The following POLH variants were observed in gnomAD, a reference collection of about 807,000 sequenced individuals.
POLH encodes DNA polymerase eta transcript.
A neutral mutation model predicts 73.6 loss-of-function variants in POLH; 53 were observed. The observed-to-expected ratio is 0.72, with a 90% confidence interval of 0.58 to 0.91. The LOEUF (loss-of-function observed/expected upper bound fraction) is 0.91. POLH is among the 40% of genes least tolerant of loss of function. POLH has a pLI of 0.00. For synonymous variants in POLH, 292 were observed against 308.5 expected, an observed-to-expected ratio of 0.95 and a Z score of 0.56; for missense variants, 768 against 865.4, an observed-to-expected ratio of 0.89 and a Z score of 1.41.
At position 43,620,397 on chromosome 6, in the gene POLH, G is replaced by T. The variant is rs1488390854; in HGVS notation, c.*5840G>T. On this transcript the variant is annotated 3_prime_UTR_variant, in exon 11 of 11. Coordinates refer to ENST00000372236, the MANE Select transcript of POLH (RefSeq NM_006502.3). The stretch of plus-strand genomic sequence containing the variant: ...CAGCTGGGCTCTTTCCACATTCAGG[G>T]CTCAGCAGTGTTGGGGTTTCACTTG... 1 of 475,212 alleles carries T rather than the reference G, an allele frequency of 2.1e-6. No homozygotes were observed. The highest frequency in any genetic ancestry group is 2.5e-5 in the Admixed American group (1 of 40,260). 29.4% of individuals were successfully genotyped at this position (475,212 alleles called of 1,614,324 possible).
intron 9 of POLH, among the ~76,000 whole-genome samples, chr6:43,605,912 C>T (rs919422523): frequency 7.9e-5 from 12 of 151,806 alleles, no homozygotes; most frequent in Non-Finnish European, 1.6e-4. Flanking sequence ...TCAGTAGAGA[C>T]GGGGTTCTAC....
chr6:43,597,188 T>C (rs966396400), intron 4 of POLH, among the ~76,000 whole-genome samples: 9 of 152,184 alleles, frequency 5.9e-5, no homozygotes, highest in African/African-American at 2.2e-4. Flanking sequence ...CAATCTCGGC[T>C]CACTGCAACC....
intron 4 of POLH, 58 bp downstream of exon 4, chr6:43,587,547 G>T (rs1764967117): frequency 8.4e-7 from 1 of 1,185,998 alleles, no homozygotes; most frequent in South Asian, 1.2e-5. Context: ...GCTTTGCTTG[G>T]TCATGCTGAT....
At position 43,617,373 on chromosome 6, in the gene POLH, T is replaced by C. The variant is rs566182655; in HGVS notation, c.*2816T>C. 2.0e-5 allele frequency among the ~76,000 whole-genome samples: 3 copies of C among 151,476 alleles called. No homozygotes were observed. In the South Asian group the frequency reaches 6.2e-4, roughly 32 times the overall value. ...CAGGTGTGGTGGCTCATGCCTGTAATCCCACACTTTGGGAGGCCAAGGTGG... is the reference window on the plus strand; with the variant it reads ...CAGGTGTGGTGGCTCATGCCTGTAACCCCACACTTTGGGAGGCCAAGGTGG... On this transcript the variant is annotated 3_prime_UTR_variant, in exon 11 of 11. Coordinates refer to ENST00000372236, the MANE Select transcript of POLH (RefSeq NM_006502.3).
intron 1 of POLH, among the ~76,000 whole-genome samples, chr6:43,581,872 G>A (rs1764308999): frequency 6.6e-6 from 1 of 150,980 alleles, no homozygotes; most frequent in African/African-American, 2.4e-5. Flanking sequence ...GCGCCTTCGA[G>A]CCTTCTAGGG....
chr6:43,600,923 T>C, intron 5 of POLH, 65 bp from the exon 6 acceptor site: 3 of 952,618 alleles, frequency 3.1e-6, no homozygotes, highest in Non-Finnish European at 3.5e-6. Context: ...GTTATGTGTA[T>C]GTTTATATTC....
At position 43,582,303 on chromosome 6, in the gene POLH, T is replaced by C; in HGVS notation, c.-4-13T>C. ...GGTGTTTTTCTAACTGTCCATAAAA[T>C]GTTGTGTTACAGAAAAATGGCTACT... On this transcript the variant is annotated splice_polypyrimidine_tract_variant and intron_variant, in intron 1 of 10. Transcript: ENST00000372236. 2 of 1,613,598 alleles carry C rather than the reference T, an allele frequency of 1.2e-6. No individual in the cohort carries two copies. The highest frequency in any genetic ancestry group is 1.7e-6 in the Non-Finnish European group (2 of 1,179,464).
intron 1 of POLH, among the ~76,000 whole-genome samples, chr6:43,577,648 CTT>C (rs1275937204): frequency 6.6e-6 from 1 of 151,210 alleles, no homozygotes; most frequent in African/African-American, 2.4e-5. Flanking sequence ...TTTTGAAAAA[CTT>C]TTTTTAGAAT....
intron 1 of POLH, among the ~76,000 whole-genome samples, chr6:43,579,641 T>C (rs112742738): frequency 1.3e-5 from 2 of 152,352 alleles, no homozygotes; most frequent in Middle Eastern, 3.4e-3. Flanking sequence ...TCCCAATTTA[T>C]ATCCAGTCAG....
At chr6:43,606,200 A>G (rs1202684363) in intron 9 of POLH, among the ~76,000 whole-genome samples, 1 of 151,970 alleles carries the variant, frequency 6.6e-6, no homozygotes, top group Non-Finnish European at 1.5e-5. Flanking sequence ...AATCTCTAAT[A>G]GAATTTTATT....
intron 1 of POLH, among the ~76,000 whole-genome samples, chr6:43,577,355 A>C (rs1763477496): frequency 6.6e-6 from 1 of 152,198 alleles, no homozygotes; most frequent in Non-Finnish European, 1.5e-5. Flanking sequence ...ATTTGGATCT[A>C]ATATGGTGCT....
At chr6:43,594,073 A>G (rs1224509928) in intron 4 of POLH, among the ~76,000 whole-genome samples, 2 of 152,168 alleles carry the variant, frequency 1.3e-5, no homozygotes, top group Non-Finnish European at 2.9e-5. Context: ...AATTCTGCTT[A>G]TCTTCTGTGG....
intron 4 of POLH, among the ~76,000 whole-genome samples, chr6:43,596,950 C>T (rs1319900846): frequency 3.3e-5 from 5 of 151,686 alleles, no homozygotes; most frequent in Admixed American, 3.3e-4. Context: ...TGGAATCCAC[C>T]TCTAAAAACA....
intron 4 of POLH, among the ~76,000 whole-genome samples, chr6:43,593,708 T>G (rs1170700594): frequency 1.3e-5 from 2 of 151,948 alleles, no homozygotes; most frequent in Non-Finnish European, 2.9e-5. Context: ...GGTGAGACCC[T>G]GTCTCTACTA....
intron 1 of POLH, among the ~76,000 whole-genome samples, chr6:43,577,132 C>T (rs529876567): frequency 2.6e-5 from 4 of 152,316 alleles, no homozygotes; most frequent in Admixed American, 2.6e-4. Flanking sequence ...GAGCCGAGAT[C>T]GCGCCTTTGC....
intron 9 of POLH, among the ~76,000 whole-genome samples, chr6:43,606,428 T>G (rs1767301850): frequency 6.6e-6 from 1 of 151,898 alleles, no homozygotes; most frequent in South Asian, 2.1e-4. Flanking sequence ...GATGATTAGT[T>G]TCTCTCCTTT....
intron 1 of POLH, among the ~76,000 whole-genome samples, chr6:43,580,837 G>A (rs1413432300): frequency 3.1e-4 from 43 of 140,648 alleles, no homozygotes; most frequent in South Asian, 6.9e-4. Flanking sequence ...CAGTAGGGGC[G>A]GCCGGGCAGA....
chr6:43,581,002 C>G (rs1191694041), intron 1 of POLH, among the ~76,000 whole-genome samples: 1 of 145,690 alleles, frequency 6.9e-6, no homozygotes, highest in South Asian at 2.2e-4. Context: ...GACCCCCCCC[C>G]ACCTCCCTCC....
rs3734690 is a variant in POLH at position 43,613,849 on chromosome 6, G to A, written c.1434G>A (p.Thr478=). ...TGACAGCCACTAAGAAAGCAACCACGTCTCTGGAATCATTCTTCCAAAAAG... is the reference window on the plus strand; with the variant it reads ...TGACAGCCACTAAGAAAGCAACCACATCTCTGGAATCATTCTTCCAAAAAG... The part of the protein sequence containing the change: ...PAVTATKKAT[T]SLESFFQKAA... The change falls in exon 11 of 11, where the codon ACG becomes ACA. Residue 478 remains threonine, a synonymous_variant. Coordinates refer to ENST00000372236, the MANE Select transcript of POLH (RefSeq NM_006502.3). 0.038 allele frequency: 61,530 copies of A among 1,614,068 alleles called. 1,646 individuals are homozygous for A. Among genetic ancestry groups the A allele is most frequent in the African/African-American group, 0.11 (8,297 of 75,006 alleles).
Sources: gnomAD v4.1 joint callset for allele counts (sites outside exome capture counted in the v4.1 genomes callset) on GRCh38, gnomAD v4.1.1 for gene constraint, MANE v1.5 for transcripts, NCBI Gene and HGNC (gene_info 2026-07-23, HGNC 2026-07-21) for gene names.